Variants in WASF3 observed in about 807,000 individuals in gnomAD.
The protein encoded by WASF3 is WASP family member 3, also known as actin-binding protein WASF3.
A neutral mutation model predicts 46.6 loss-of-function variants in WASF3; 11 were observed. The observed-to-expected ratio is 0.24, with a 90% CI of 0.15 to 0.39. The LOEUF (loss-of-function observed/expected upper bound fraction) is 0.39, where lower values mean the gene tolerates loss of function less well. Among genes scored for constraint, WASF3 ranks in the 10% least tolerant of loss-of-function variants. The pLI is 1.00. For synonymous variants in WASF3, 242 were observed against 259.7 expected, an observed-to-expected ratio of 0.93 and a Z score of 0.65; for missense variants, 576 against 669.8, an observed-to-expected ratio of 0.86 and a Z score of 1.55.
intron 1 of WASF3, among the ~76,000 whole-genome samples, chr13:26,598,963 A>G (rs796370576): frequency 1.3e-5 from 2 of 152,026 alleles, no homozygotes; most frequent in Non-Finnish European, 2.9e-5. Flanking sequence ...CTCTGTCTCC[A>G]GGGTTCAAAC....
In WASF3 at chr13:26,679,896, T is replaced by G; in HGVS notation, c.717-1158T>G. 1.1e-6 allele frequency: 1 copy of G among 937,666 alleles called. No individual in the cohort carries two copies. The highest frequency in any genetic ancestry group is 1.7e-5 in the South Asian group (1 of 57,340). 58.1% of individuals were successfully genotyped at this position (937,666 alleles called of 1,614,324 possible). A position where few individuals can be genotyped will look rare whatever the true frequency, so the allele number is the denominator to read the frequency against. On this transcript the variant is annotated intron_variant, in intron 7 of 9. Coordinates refer to ENST00000335327, the MANE Select transcript of WASF3 (RefSeq NM_006646.6). This position sits in a 1 kb window ranked among gnomAD's most constrained non-coding sequence, Gnocchi z 4.8. ...GGAAAAAGGAAAAGAAGCTGTCTCT[T>G]CTCATTTGGAAGGCTTTTCTGTGCC...
At chr13:26,633,989 G>A (rs1881737733) in intron 2 of WASF3, among the ~76,000 whole-genome samples, 1 of 152,186 alleles carries the variant, frequency 6.6e-6, no homozygotes, top group African/African-American at 2.4e-5. Flanking sequence ...GGAGAGTTCT[G>A]TAGATGTCTA....
chr13:26,542,873 T>A, the WASF3 span, among the ~76,000 whole-genome samples: 2 of 152,198 alleles, frequency 1.3e-5, no homozygotes, highest in Admixed American at 1.3e-4. Flanking sequence ...CCTTGGGACA[T>A]TTTTTTAAAT....
intron 2 of WASF3, among the ~76,000 whole-genome samples, chr13:26,633,200 C>CTTTTTTTTTTTTTTTTTTTTTTTTT (rs58237286): frequency 1.1e-5 from 1 of 90,420 alleles, no homozygotes. Context: ...TTAGTTATTT[C>CTTTTTTTTTTTTTTTTTTTTTTTTT]TTTTTTTTTT....
chr13:26,616,831 T>C (rs904478569), intron 2 of WASF3, among the ~76,000 whole-genome samples: 8 of 152,298 alleles, frequency 5.3e-5, no homozygotes, highest in Admixed American at 5.2e-4. Flanking sequence ...GCCATTCCAA[T>C]TGTCATCAGT....
chr13:26,659,365 C>T (rs571875764), intron 3 of WASF3, among the ~76,000 whole-genome samples: 42 of 152,178 alleles, frequency 2.8e-4, no homozygotes, highest in Non-Finnish European at 3.4e-4. Context: ...GACATACAAG[C>T]GAGAGGTTAA....
Position 26,630,511 on chromosome 13 carries a change from A to G in WASF3, c.-10-11750A>G, listed in dbSNP as rs191207968. Among the ~76,000 whole-genome samples the G allele has an allele frequency of 2.6e-5, 4 of 152,356 alleles. No individual in the cohort carries two copies. In the East Asian group the frequency reaches 5.8e-4, roughly 22 times the overall value. On this transcript the variant is annotated intron_variant, in intron 2 of 9. Coordinates refer to ENST00000335327, the MANE Select transcript of WASF3 (RefSeq NM_006646.6). ...AACTCATCCTTTTTTGTGGCTGCACAGTATTCCATGGTTTATATATGTCAC... is the reference window on the plus strand; with the variant it reads ...AACTCATCCTTTTTTGTGGCTGCACGGTATTCCATGGTTTATATATGTCAC...
chr13:26,564,586 A>G (rs1387325860), intron 1 of WASF3, among the ~76,000 whole-genome samples: 1 of 152,136 alleles, frequency 6.6e-6, no homozygotes. Flanking sequence ...GCTGTTATCC[A>G]TTTTGTGCTC....
At chr13:26,653,093 C>T (rs1882362647) in intron 3 of WASF3, among the ~76,000 whole-genome samples, 1 of 152,192 alleles carries the variant, frequency 6.6e-6, no homozygotes, top group Non-Finnish European at 1.5e-5. Context: ...CCCTCTGACA[C>T]ATTGCACGCT....
chr13:26,540,238 C>T, the WASF3 span, among the ~76,000 whole-genome samples: 6 of 152,150 alleles, frequency 3.9e-5, no homozygotes, highest in Non-Finnish European at 8.8e-5. Context: ...ATTATAATTA[C>T]CACCAGAAAT....
chr13:26,617,071 CT>C (rs1172018294), intron 2 of WASF3, among the ~76,000 whole-genome samples: 2 of 152,132 alleles, frequency 1.3e-5, no homozygotes, highest in South Asian at 2.1e-4. Context: ...TAATTCATAG[CT>C]TTTTTTCTTA....
chr13:26,651,629 C>T lies in WASF3; in HGVS notation c.133+9226C>T, dbSNP rs1322971350. Among the ~76,000 whole-genome samples the T allele has an allele frequency of 7.9e-5, 12 of 152,158 alleles. 1 individual carries two copies. Among genetic ancestry groups the T allele is most frequent in the Admixed American group, 6.5e-4 (10 of 15,280 alleles). ...AACCTGTACTACAAAAAATTCTTAA[C>T]GCTTCAGGGAAATGATACCATTTGG... On this transcript the variant is annotated intron_variant, in intron 3 of 9. Coordinates refer to ENST00000335327, the MANE Select transcript of WASF3 (RefSeq NM_006646.6).
At chr13:26,584,067 A>G (rs924687295) in intron 1 of WASF3, among the ~76,000 whole-genome samples, 1 of 152,220 alleles carries the variant, frequency 6.6e-6, no homozygotes, top group Non-Finnish European at 1.5e-5. Context: ...GGGGAAAAAG[A>G]TACGCAATTG....
At chr13:26,572,545 C>A (rs531345778) in intron 1 of WASF3, among the ~76,000 whole-genome samples, 4 of 152,054 alleles carry the variant, frequency 2.6e-5, no homozygotes, top group African/African-American at 9.7e-5. Flanking sequence ...ATTTCCTAAT[C>A]GGAATCATTA....
At chr13:26,554,197 G>A (rs1371627759), upstream of WASF3, among the ~76,000 whole-genome samples, 1 of 150,828 alleles carries the variant, frequency 6.6e-6, no homozygotes, top group Non-Finnish European at 1.5e-5. Flanking sequence ...TGTGAGCACA[G>A]CTCACTGCAG....
At chr13:26,665,213 T>C in intron 4 of WASF3, 51 bp downstream of exon 4, 2 of 1,590,900 alleles carry the variant, frequency 1.3e-6, no homozygotes, top group Non-Finnish European at 1.7e-6. Context: ...GACAAGATGG[T>C]AGTAATTAAT....
At chr13:26,548,675 C>A in the WASF3 span, among the ~76,000 whole-genome samples, 1 of 152,132 alleles carries the variant, frequency 6.6e-6, no homozygotes, top group South Asian at 2.1e-4. Flanking sequence ...AATTTCCTAG[C>A]AAGATATTCA....
intron 2 of WASF3, among the ~76,000 whole-genome samples, chr13:26,633,193 G>GTTCTTT (rs1489321947): frequency 2.3e-5 from 1 of 42,796 alleles, no homozygotes; most frequent in African/African-American, 7.4e-5. Flanking sequence ...TTTGATCTTA[G>GTTCTTT]TTATTTCTTT....
chr13:26,569,297 T>C (rs1293853438), intron 1 of WASF3, among the ~76,000 whole-genome samples: 3 of 152,196 alleles, frequency 2.0e-5, no homozygotes, highest in Non-Finnish European at 4.4e-5. Flanking sequence ...AATGGCAGAA[T>C]GCACATTCTT....
Sources: allele counts gnomAD v4.1 joint callset (sites outside exome capture counted in the v4.1 genomes callset), GRCh38; gene constraint gnomAD v4.1.1; non-coding constraint Gnocchi (gnomAD v3.1); transcripts MANE v1.5; gene names NCBI Gene and HGNC (gene_info 2026-07-23, HGNC 2026-07-21).